The following LRRC9 variants were observed in gnomAD, a reference collection of about 807,000 sequenced individuals.
LRRC9 encodes the protein leucine rich repeat containing 9.
In LRRC9, 122 loss-of-function variants were observed where a neutral mutation model predicts 63.2. The ratio of observed to expected loss-of-function variants is 1.93; its 90% CI spans 1.67 to 2.24. The LOEUF is 2.24. LRRC9 is among the 30% of genes most tolerant of loss of function. The pLI is 0.00. For missense variants in LRRC9, 1,071 were observed against 627.7 expected (o/e 1.71, Z -7.55); for synonymous variants, 366 against 213.1 (o/e 1.72, Z -6.25).
chr14:59,944,841 A>G (rs912795850), intron 8 of LRRC9, 97 bp downstream of exon 8: 56 of 525,936 alleles, frequency 1.1e-4, no homozygotes, highest in Non-Finnish European at 1.5e-4. Flanking sequence ...ATATACACAC[A>G]TATATAATAC....
chr14:60,038,450 G>A (rs574842935), intron 29 of LRRC9, among the ~76,000 whole-genome samples: 4 of 152,170 alleles, frequency 2.6e-5, no homozygotes, highest in African/African-American at 9.6e-5. Flanking sequence ...TTTTAGCAGT[G>A]GTTTGTAGTT....
At position 60,055,840 on chromosome 14, in the gene LRRC9, G is replaced by A. The variant is rs535105173; in HGVS notation, c.4132-2038G>A. ...GAATCTCTTGAGCCTGGGAGGTGGT[G>A]GCTGCCGTGAGCCAAGATCGTGCCA... On this transcript the variant is annotated intron_variant, in intron 30 of 31. Transcript: ENST00000445360. Among the ~76,000 whole-genome samples the A allele has an allele frequency of 2.6e-5, 4 of 151,988 alleles. No homozygotes were observed. In the East Asian group the frequency reaches 5.8e-4, roughly 22 times the overall value.
intron 30 of LRRC9, among the ~76,000 whole-genome samples, chr14:60,055,163 A>T (rs1894178019): frequency 6.6e-6 from 1 of 152,262 alleles, no homozygotes; most frequent in African/African-American, 2.4e-5. Context: ...TTGTGATTTT[A>T]AAAGTTTTAC....
rs977768818 is a variant in LRRC9 at position 60,058,991 on chromosome 14, T to C, written c.4276+969T>C. 6.6e-6 allele frequency: 1 copy of C among 152,230 alleles called. No individual in the cohort carries two copies. Among genetic ancestry groups the C allele is most frequent in the Admixed American group, 6.5e-5 (1 of 15,286 alleles). 9.4% of individuals were successfully genotyped at this position (152,230 alleles called of 1,614,324 possible). On this transcript the variant is annotated intron_variant, in intron 31 of 31. Coordinates refer to ENST00000445360, the Ensembl canonical transcript of LRRC9. The surrounding 1 kb of genome is among the most constrained non-coding windows in gnomAD (Gnocchi z 4.4). The stretch of plus-strand genomic sequence containing the variant: ...GTCAGTAAAATTGGGCATACCAAAT[T>C]GTTATTACCTCCTTAACAGAACAAA...
chr14:60,053,385 A>T lies in LRRC9; in HGVS notation c.4131+180A>T, dbSNP rs910391085. Reference sequence around the variant, plus strand: ...TTTGGTGAATAGAGCATGCGTGCTCACACACACACACACACACACACACAC... The same window carrying T: ...TTTGGTGAATAGAGCATGCGTGCTCTCACACACACACACACACACACACAC... On this transcript the variant is annotated intron_variant, in intron 30 of 31. Transcript: ENST00000445360. This position sits in a 1 kb window ranked among gnomAD's most constrained non-coding sequence, Gnocchi z 4.8. Among the ~76,000 whole-genome samples the T allele has an allele frequency of 9.0e-5, 4 of 44,498 alleles. No homozygotes were observed. Among genetic ancestry groups the T allele is most frequent in the Non-Finnish European group, 3.3e-4 (4 of 12,260 alleles). The allele number at this position is 44,498 out of a possible 152,430, so 29.2% of individuals were successfully genotyped here. A position where few individuals can be genotyped will look rare whatever the true frequency, so the allele number is the denominator to read the frequency against.
intron 7 of LRRC9, among the ~76,000 whole-genome samples, chr14:59,941,245 A>G (rs1297813239): frequency 2.0e-5 from 3 of 152,014 alleles, no homozygotes; most frequent in African/African-American, 7.2e-5. Context: ...CACTAAAATC[A>G]GTTGTTTTTT....
chr14:59,949,462 C>A (rs1882856463), intron 8 of LRRC9, among the ~76,000 whole-genome samples: 1 of 149,880 alleles, frequency 6.7e-6, no homozygotes, highest in Admixed American at 6.6e-5. Context: ...AAAACCAGCT[C>A]CTGGATTCAT....
intron 27 of LRRC9, among the ~76,000 whole-genome samples, chr14:60,023,811 G>A (rs1030225540): frequency 4.0e-5 from 6 of 151,888 alleles, no homozygotes; most frequent in African/African-American, 1.5e-4. Context: ...CCTACTCCCT[G>A]ACAGGCCCCA....
chr14:59,956,245 C>T (rs1276915842), intron 8 of LRRC9, among the ~76,000 whole-genome samples: 5 of 152,050 alleles, frequency 3.3e-5, no homozygotes, highest in Admixed American at 2.6e-4. Flanking sequence ...GTGTTAAGGT[C>T]TCCCACTATT....
exon 32 of LRRC9, chr14:60,063,442 TAAAAA>T (rs60032242): frequency 4.1e-5 from 24 of 590,936 alleles, no homozygotes; most frequent in African/African-American, 6.3e-5. Context: ...AGTGGTCAGT[TAAAAA>T]AAAAAAAAAA....
intron 29 of LRRC9, among the ~76,000 whole-genome samples, chr14:60,047,539 A>T (rs1175848968): frequency 6.6e-6 from 1 of 152,224 alleles, no homozygotes; most frequent in Non-Finnish European, 1.5e-5. Flanking sequence ...AAACCAACAA[A>T]GATTAAAAAA....
intron 8 of LRRC9, 75 bp from the exon 9 acceptor site, chr14:59,959,743 T>C (rs2139963948): frequency 2.0e-6 from 1 of 500,114 alleles, no homozygotes. Flanking sequence ...CCATTAAAAC[T>C]TAACATCTGA....
At chr14:59,924,339 G>A (rs1889025892) in intron 1 of LRRC9, among the ~76,000 whole-genome samples, 1 of 152,172 alleles carries the variant, frequency 6.6e-6, no homozygotes, top group African/African-American at 2.4e-5. Context: ...ATCTATGTAT[G>A]GGCCTTTGAT....
At chr14:60,016,870 A>C in intron 24 of LRRC9, 80 bp downstream of exon 24, 1 of 556,354 alleles carries the variant, frequency 1.8e-6, no homozygotes, top group Non-Finnish European at 3.3e-6. Flanking sequence ...GCTTACATTT[A>C]TACAACTTAC....
At position 59,932,949 on chromosome 14, in the gene LRRC9, T is replaced by C. The variant is rs1162361221; in HGVS notation, c.543+910T>C. Among the ~76,000 whole-genome samples, 2 of 152,064 alleles carry C rather than the reference T, an allele frequency of 1.3e-5. No homozygotes were observed. Among genetic ancestry groups the C allele is most frequent in the Non-Finnish European group, 2.9e-5 (2 of 68,006 alleles). ...ATTTCATATAATGGGGCCATAAGAC[T>C]ACCTAATCTAGCCACCCCACCACCC... On this transcript the variant is annotated intron_variant, in intron 6 of 31. Coordinates refer to ENST00000445360, the Ensembl canonical transcript of LRRC9. The surrounding 1 kb of genome is among the most constrained non-coding windows in gnomAD (Gnocchi z 4.7).
In LRRC9 at chr14:59,990,067, A is replaced by G. The variant is rs1224751157; in HGVS notation, c.2211+4843A>G. On this transcript the variant is annotated intron_variant, in intron 17 of 31. Coordinates refer to ENST00000445360, the Ensembl canonical transcript of LRRC9. The surrounding 1 kb of genome is among the most constrained non-coding windows in gnomAD (Gnocchi z 4.2). ...CTTGGCCTCCCGACTAGATGGGATT[A>G]CAGGTGCACACCACCACACCCAGCT... Among the ~76,000 whole-genome samples the G allele has an allele frequency of 6.6e-6, 1 of 151,942 alleles. No homozygotes were observed. The highest frequency in any genetic ancestry group is 2.4e-5 in the African/African-American group (1 of 41,342).
Position 59,966,621 on chromosome 14 carries a change from G to C in LRRC9, c.1244G>C (p.Arg415Pro). ...TTCTGCTATGAATTAATTCTGTCAC[G>C]TTTTTGTGCCTGGGACTTCAGAACA... The change falls in exon 11 of 32, where the codon CGT (arginine) becomes CCT (proline). Residue 415 changes from arginine (R) to proline (P), a missense_variant. Transcript: ENST00000445360. This position sits in a 1 kb window ranked among gnomAD's most constrained non-coding sequence, Gnocchi z 4.0. 3 of 686,790 alleles carry C rather than the reference G, an allele frequency of 4.4e-6. No individual in the cohort carries two copies. The highest frequency in any genetic ancestry group is 1.5e-5 in the South Asian group (1 of 64,912). 42.5% of individuals were successfully genotyped at this position (686,790 alleles called of 1,614,324 possible).
chr14:60,046,778 A>C (rs1893465658), intron 29 of LRRC9, among the ~76,000 whole-genome samples: 1 of 151,984 alleles, frequency 6.6e-6, no homozygotes, highest in Non-Finnish European at 1.5e-5. Context: ...AATAGTTTCC[A>C]TTCTAAATCT....
chr14:59,938,398 G>A lies in LRRC9; in HGVS notation c.552G>A (p.Thr184=), dbSNP rs199981898. The change falls in exon 7 of 32, where the codon ACG becomes ACA. Residue 184 remains threonine, a synonymous_variant. Transcript: ENST00000445360. The surrounding 1 kb of genome is among the most constrained non-coding windows in gnomAD (Gnocchi z 4.2). The stretch of plus-strand genomic sequence containing the variant: ...CTTTGCTGGCATTTTAGGAACTCAC[G>A]AACTTAACCAGGCTGCCTTGCTTAA... 1.3e-3 allele frequency: 892 copies of A among 682,884 alleles called. 8 individuals are homozygous for A. The highest frequency in any genetic ancestry group is 8.7e-3 in the Middle Eastern group (37 of 4,276). 42.3% of individuals were successfully genotyped at this position (682,884 alleles called of 1,614,324 possible). A position where few individuals can be genotyped will look rare whatever the true frequency, so the allele number is the denominator to read the frequency against.
Sources: gnomAD v4.1 joint callset for allele counts (sites outside exome capture counted in the v4.1 genomes callset) on GRCh38, gnomAD v4.1.1 for gene constraint, Gnocchi (gnomAD v3.1) non-coding constraint, MANE v1.5 for transcripts, NCBI Gene and HGNC (gene_info 2026-07-23, HGNC 2026-07-21) for gene names.